Variants in SLK observed in about 807,000 individuals in gnomAD.
SLK encodes the protein STE20-like serine/threonine-protein kinase.
Under a neutral mutation model 147.7 loss-of-function variants are expected in SLK, and 67 were observed. The ratio of observed to expected loss-of-function variants is 0.45; its 90% confidence interval spans 0.37 to 0.56. The LOEUF (loss-of-function observed/expected upper bound fraction) is 0.56, where lower values mean the gene tolerates loss of function less well. Ranked by LOEUF, SLK falls within the 20% of genes least tolerant of loss-of-function variation. SLK has a pLI of 0.00. For synonymous variants in SLK, 441 were observed against 475.0 expected (o/e 0.93, Z 0.93); for missense variants, 1,136 against 1,438.8 (o/e 0.79, Z 3.41).
intron 1 of SLK, among the ~76,000 whole-genome samples, chr10:103,989,464 CTTTTTTTTT>C (rs68033075): frequency 2.5e-5 from 2 of 78,616 alleles, no homozygotes; most frequent in African/African-American, 1.0e-4. Flanking sequence ...GTGGCAGTTT[CTTTTTTTTT>C]TTTTTTTTTT....
chr10:103,971,923 A>G (rs1464959790), intron 1 of SLK, among the ~76,000 whole-genome samples: 2 of 152,132 alleles, frequency 1.3e-5, no homozygotes, highest in Non-Finnish European at 2.9e-5. Flanking sequence ...GGAAACCACT[A>G]TCCTATCTTT....
At chr10:103,975,892 T>C (rs1564649871) in intron 1 of SLK, among the ~76,000 whole-genome samples, 2 of 151,942 alleles carry the variant, frequency 1.3e-5, no homozygotes, top group East Asian at 1.9e-4. Flanking sequence ...CTGGGCAACA[T>C]AGGGAGACCC....
intron 2 of SLK, among the ~76,000 whole-genome samples, chr10:103,992,291 T>G (rs1275406765): frequency 6.6e-6 from 1 of 151,998 alleles, no homozygotes; most frequent in Non-Finnish European, 1.5e-5. Flanking sequence ...CTTTCATTGG[T>G]GACCAAATAG....
At chr10:103,974,314 T>G (rs1414272106) in intron 1 of SLK, among the ~76,000 whole-genome samples, 2 of 151,884 alleles carry the variant, frequency 1.3e-5, no homozygotes, top group African/African-American at 4.8e-5. Context: ...ATTCTTTCCT[T>G]TAAAAAGTTC....
At chr10:104,020,444 C>G (rs758362410) in intron 16 of SLK, 44 bp from the exon 17 acceptor site, 22 of 1,552,276 alleles carry the variant, frequency 1.4e-5, no homozygotes, top group Non-Finnish European at 1.9e-5. Flanking sequence ...ATATAGAAAT[C>G]ACATGCTTCT....
At chr10:104,017,934 CCTT>C (rs1457005301) in intron 13 of SLK, among the ~76,000 whole-genome samples, 1 of 152,084 alleles carries the variant, frequency 6.6e-6, no homozygotes, top group Non-Finnish European at 1.5e-5. Context: ...CTGTATGTAT[CCTT>C]CTTAGTGAGT....
At chr10:104,006,909 T>C (rs1182099190) in intron 11 of SLK, among the ~76,000 whole-genome samples, 1 of 152,172 alleles carries the variant, frequency 6.6e-6, no homozygotes, top group Non-Finnish European at 1.5e-5. Context: ...TCATACTTTC[T>C]AAAATGTTTT....
chr10:104,004,088 TA>T (rs34838889), intron 9 of SLK, among the ~76,000 whole-genome samples: 34,383 of 149,576 alleles, frequency 0.23, 4,495 homozygotes, highest in African/African-American at 0.36. Flanking sequence ...TCACTATTTG[TA>T]AAAAAAAAAG....
chr10:104,003,306 A>G lies in SLK; in HGVS notation c.2128A>G (p.Ile710Val). 7 of 1,614,072 alleles carry G rather than the reference A, an allele frequency of 4.3e-6. No homozygotes were observed. The highest frequency in any genetic ancestry group is 5.9e-6 in the Non-Finnish European group (7 of 1,179,912). Residue 710 changes from isoleucine to valine, a missense_variant, in exon 9 of 19, where the codon ATA becomes GTA. Physicochemically the swap from Ile to Val is conservative, Grantham distance 29 (BLOSUM62 3). Transcript: ENST00000369755. ...SQPTEPQPVLIPSININSDSG... is the reference protein window; with the variant it reads ...SQPTEPQPVLVPSININSDSG... ...GCCCACTGAACCTCAGCCTGTTCTA[A>G]TACCCAGTATTAATATCAACTCTGA...
At chr10:103,992,346 TGTAGAGAAGCAGGGACA>T (rs1308140085) in intron 2 of SLK, among the ~76,000 whole-genome samples, 1 of 151,958 alleles carries the variant, frequency 6.6e-6, no homozygotes, top group Non-Finnish European at 1.5e-5. Flanking sequence ...ACCTGGTAGT[TGTAGAGAAGCAGGGACA>T]GTAAACATGG....
At chr10:104,018,645 C>A in intron 14 of SLK, 139 bp from the exon 15 acceptor site, 2 of 833,716 alleles carry the variant, frequency 2.4e-6, no homozygotes, top group Non-Finnish European at 3.7e-6. Flanking sequence ...GTTACAGTTG[C>A]ACTTGGACAG....
intron 1 of SLK, 54 bp downstream of exon 1, chr10:103,967,949 T>G (rs564713597): frequency 6.3e-4 from 995 of 1,580,352 alleles, no homozygotes; most frequent in Non-Finnish European, 7.8e-4. Context: ...GCCACTGGCC[T>G]GGAGTGGCGG....
intron 13 of SLK, among the ~76,000 whole-genome samples, chr10:104,015,145 T>C (rs369741098): frequency 2.0e-5 from 3 of 152,222 alleles, no homozygotes; most frequent in East Asian, 3.8e-4. Flanking sequence ...AAAAATCCTT[T>C]ATACAGTGTC....
chr10:103,990,569 G>A (rs1041252652), intron 1 of SLK, 106 bp from the exon 2 acceptor site: 16 of 616,648 alleles, frequency 2.6e-5, no homozygotes, highest in Admixed American at 4.0e-5. Flanking sequence ...CAGCCTAAAC[G>A]TAAATATGAA....
intron 1 of SLK, among the ~76,000 whole-genome samples, chr10:103,969,310 C>T (rs1324045359): frequency 6.6e-6 from 1 of 152,188 alleles, no homozygotes; most frequent in Non-Finnish European, 1.5e-5. Flanking sequence ...TGCCTCTGCC[C>T]TGCCTCAAAT....
At chr10:104,003,550 T>A (rs372415992) in intron 9 of SLK, 23 bp downstream of exon 9, 1 of 1,514,388 alleles carries the variant, frequency 6.6e-7, no homozygotes, top group Non-Finnish European at 8.8e-7. Flanking sequence ...GAGTCATTGT[T>A]TGGGTTTTCC....
rs1007227931 is a variant in SLK, at chr10:104,020,005, C to A, written c.3321+83C>A. 4 of 1,140,786 alleles carry A rather than the reference C, an allele frequency of 3.5e-6. No homozygotes were observed. In the African/African-American group the frequency reaches 6.2e-5, roughly 18 times the overall value. 70.7% of individuals were successfully genotyped at this position (1,140,786 alleles called of 1,614,324 possible). ...GAAGTTCTACAAAATTCCTTTCTTT[C>A]TAAACAATTAGAGCCACCTTAGGCT... is the stretch of plus-strand genomic sequence containing the variant. On this transcript the variant is annotated intron_variant, in intron 16 of 18. Transcript: ENST00000369755.
Position 104,005,673 on chromosome 10 carries a change from A to G in SLK, c.2462A>G (p.Glu821Gly). ...KIVTDSDSKT[E>G]ELRFLRRQEL... Reference sequence around the variant, plus strand: ...GTTACAGATAGTGATTCCAAAACTGAAGAATTGCGGTTTCTTAGGTGAGTA... The same window carrying G: ...GTTACAGATAGTGATTCCAAAACTGGAGAATTGCGGTTTCTTAGGTGAGTA... Residue 821 changes from glutamate to glycine, a missense_variant, in exon 10 of 19, where the codon GAA becomes GGA. Around this residue, in one of 6 missense-constraint regions of SLK, gnomAD observed 21 missense variants for 69.9 expected, o/e 0.30. Coordinates refer to ENST00000369755, the MANE Select transcript of SLK (RefSeq NM_014720.4). 6.2e-7 allele frequency: 1 copy of G among 1,610,592 alleles called. No individual in the cohort carries two copies. The highest frequency in any genetic ancestry group is 8.5e-7 in the Non-Finnish European group (1 of 1,178,652).
chr10:104,010,808 C>T lies in SLK; in HGVS notation c.2785-8C>T. 4.5e-6 allele frequency: 7 copies of T among 1,554,294 alleles called. No individual in the cohort carries two copies. The highest frequency in any genetic ancestry group is 2.3e-5 in the East Asian group (1 of 43,460). ...TTTCCCCACCTCCTGCATGCTTATACACTGTAGGTTATAAATGAAGTGGAG... is the reference window on the plus strand; with the variant it reads ...TTTCCCCACCTCCTGCATGCTTATATACTGTAGGTTATAAATGAAGTGGAG... On this transcript the variant is annotated splice_polypyrimidine_tract_variant and splice_region_variant and intron_variant, in intron 12 of 18. Coordinates refer to ENST00000369755, the MANE Select transcript of SLK (RefSeq NM_014720.4).
Sources: allele counts gnomAD v4.1 joint callset (sites outside exome capture counted in the v4.1 genomes callset), GRCh38; gene constraint gnomAD v4.1.1; regional missense constraint gnomAD v4.1.1; transcripts MANE v1.5; gene names NCBI Gene and HGNC (gene_info 2026-07-23, HGNC 2026-07-21).